Variants in STAB1 observed in about 807,000 individuals in gnomAD.
The protein encoded by STAB1 is stabilin-1.
STAB1 carries 250 observed loss-of-function variants against 332.4 expected under a neutral mutation model. The observed-to-expected ratio is 0.75, with a 90% confidence interval of 0.68 to 0.84. STAB1 has a LOEUF of 0.84. Ranked by LOEUF, STAB1 falls within the 40% of genes least tolerant of loss-of-function variation. STAB1 has a pLI of 0.00. For synonymous variants in STAB1, 1,475 were observed against 1,390.4 expected, an observed-to-expected ratio of 1.06 and a Z score of -1.35; for missense variants, 3,249 against 3,489.7, an observed-to-expected ratio of 0.93 and a Z score of 1.74.
At position 52,520,566 on chromosome 3, in the gene STAB1, G is replaced by A; in HGVS notation, c.5649+17G>A. The A allele has an allele frequency of 1.2e-6, 2 of 1,610,804 alleles. No individual in the cohort carries two copies. The highest frequency in any genetic ancestry group is 1.7e-6 in the Non-Finnish European group (2 of 1,178,334). Reference sequence around the variant, plus strand: ...CTGCGACTGGTGAGGGAGGCCAGAGGCAGACGGGCAGAAGCCCACCCCGCC... The same window carrying A: ...CTGCGACTGGTGAGGGAGGCCAGAGACAGACGGGCAGAAGCCCACCCCGCC... On this transcript the variant is annotated intron_variant, in intron 53 of 68. Coordinates refer to ENST00000321725, the MANE Select transcript of STAB1 (RefSeq NM_015136.3).
At position 52,506,169 on chromosome 3, in the gene STAB1, G is replaced by C; in HGVS notation, c.1750-1G>C. On this transcript the variant is annotated splice_acceptor_variant, in intron 16 of 68. Coordinates refer to ENST00000321725, the MANE Select transcript of STAB1 (RefSeq NM_015136.3). LOFTEE classifies it high-confidence loss of function. ...TAAAGCCACACTGTCCCTTGCCCCA[G>C]CTGACCGTTGAGAAGCTCATCTCCA... 1 of 1,610,536 alleles carries C rather than the reference G, an allele frequency of 6.2e-7. No individual in the cohort carries two copies. Among genetic ancestry groups the C allele is most frequent in the East Asian group, 2.2e-5 (1 of 44,778 alleles).
At chr3:52,496,677 C>T (rs1358586072) in intron 1 of STAB1, among the ~76,000 whole-genome samples, 2 of 152,214 alleles carry the variant, frequency 1.3e-5, no homozygotes, top group Admixed American at 6.5e-5. Context: ...AACTCAGTTT[C>T]CCCCTGTGTA....
intron 17 of STAB1, 97 bp from the exon 18 acceptor site, chr3:52,506,595 C>G: frequency 7.4e-7 from 1 of 1,357,930 alleles, no homozygotes; most frequent in Non-Finnish European, 9.8e-7. Context: ...ACTGAGCTGC[C>G]TGTCTGCTCT....
At position 52,508,256 on chromosome 3, in the gene STAB1, T is replaced by G; in HGVS notation, c.2149-17T>G. On this transcript the variant is annotated splice_polypyrimidine_tract_variant and intron_variant, in intron 20 of 68. Transcript: ENST00000321725. ...ATGGACCCAGATGGCCTCTTGGACC[T>G]GTTCTGTCTCTTATAGGAACAAGGC... The G allele has an allele frequency of 6.2e-7, 1 of 1,603,266 alleles. No homozygotes were observed. The highest frequency in any genetic ancestry group is 2.2e-5 in the East Asian group (1 of 44,658).
At chr3:52,506,932 C>A in intron 18 of STAB1, 82 bp downstream of exon 18, 2 of 1,558,196 alleles carry the variant, frequency 1.3e-6, no homozygotes, top group South Asian at 1.2e-5. Context: ...CAGGGAGAGG[C>A]GCTAAGTCAG....
chr3:52,512,899 G>A lies in STAB1; in HGVS notation c.3099G>A (p.Gln1033=). The change falls in exon 29 of 69, where the codon CAG becomes CAA. Residue 1033 remains glutamine, a synonymous_variant. Coordinates refer to ENST00000321725, the MANE Select transcript of STAB1 (RefSeq NM_015136.3). ...ALVPSEAAVR[Q]LSPEDRAFWL... ...TGCCCTCCGAGGCTGCAGTCCGTCA[G>A]CTGAGCCCCGAGGACCGAGCTTTCT... 6.2e-7 allele frequency: 1 copy of A among 1,612,092 alleles called. No homozygotes were observed. The highest frequency in any genetic ancestry group is 8.5e-7 in the Non-Finnish European group (1 of 1,179,880).
In STAB1 at chr3:52,521,708, G is replaced by A; in HGVS notation, c.6163+8G>A. ...GCTGTGAGGTGCAACTGGGTGAGTA[G>A]CCCCGTGCTCGTGCCCACCCTACAC... On this transcript the variant is annotated splice_region_variant and intron_variant, in intron 57 of 68. Transcript: ENST00000321725. 1 of 1,612,350 alleles carries A rather than the reference G, an allele frequency of 6.2e-7. No individual in the cohort carries two copies. The highest frequency in any genetic ancestry group is 8.5e-7 in the Non-Finnish European group (1 of 1,179,676).
Position 52,514,362 on chromosome 3 carries a change from C to G in STAB1, c.3547-3C>G, listed in dbSNP as rs755619102. 2.6e-6 allele frequency: 4 copies of G among 1,544,134 alleles called. No individual in the cohort carries two copies. In the South Asian group the frequency reaches 5.0e-5, roughly 19 times the overall value. On this transcript the variant is annotated splice_region_variant and splice_polypyrimidine_tract_variant and intron_variant, in intron 33 of 68. Coordinates refer to ENST00000321725, the MANE Select transcript of STAB1 (RefSeq NM_015136.3). Reference sequence around the variant, plus strand: ...TCCCCTGGGTTCTCTCCTTCTCTTCCAGGACGCAGACACAGTGCGGCACCA... The same window carrying G: ...TCCCCTGGGTTCTCTCCTTCTCTTCGAGGACGCAGACACAGTGCGGCACCA...
At chr3:52,515,636 C>T in intron 37 of STAB1, 130 bp downstream of exon 37, 7 of 945,888 alleles carry the variant, frequency 7.4e-6, no homozygotes, top group Admixed American at 2.1e-5. Flanking sequence ...AGGCCAGAAC[C>T]CAGAGGAAGG....
intron 25 of STAB1, 77 bp from the exon 26 acceptor site, chr3:52,511,571 CAG>C: frequency 7.3e-7 from 1 of 1,364,400 alleles, no homozygotes; most frequent in Admixed American, 2.0e-5. Flanking sequence ...GGGCAGTGAC[CAG>C]AGAGAGCCAA....
chr3:52,497,526 A>G (rs1708128424), intron 1 of STAB1, among the ~76,000 whole-genome samples: 1 of 143,904 alleles, frequency 6.9e-6, no homozygotes, highest in African/African-American at 2.6e-5. Context: ...GATTCTCCTG[A>G]CTCAGCCTCC....
At chr3:52,519,675 T>C (rs1030753535) in intron 50 of STAB1, 111 bp downstream of exon 50, 1 of 1,437,032 alleles carries the variant, frequency 7.0e-7, no homozygotes, top group Non-Finnish European at 9.5e-7. Flanking sequence ...CACTGTCCCG[T>C]GTGAGCCTGT....
intron 44 of STAB1, 58 bp downstream of exon 44, chr3:52,517,682 G>A: frequency 3.8e-6 from 6 of 1,592,466 alleles, no homozygotes; most frequent in Non-Finnish European, 4.3e-6. Context: ...ACTGAGGCAG[G>A]AACCAGCCCT....
chr3:52,515,106 G>A, intron 36 of STAB1, 61 bp downstream of exon 36: 1 of 1,585,618 alleles, frequency 6.3e-7, no homozygotes. Context: ...CTTCCAAGGT[G>A]CCCAATCCCC....
chr3:52,503,602 C>A, intron 8 of STAB1, 62 bp downstream of exon 8: 1 of 1,584,946 alleles, frequency 6.3e-7, no homozygotes, highest in South Asian at 1.2e-5. Context: ...GCTATGGGAC[C>A]CTGGGCAAGT....
Position 52,518,587 on chromosome 3 carries a change from G to A in STAB1, c.4861G>A (p.Ala1621Thr), listed in dbSNP as rs1400274796. The A allele has an allele frequency of 6.2e-7, 1 of 1,603,530 alleles. No homozygotes were observed. Among genetic ancestry groups the A allele is most frequent in the Middle Eastern group, 1.7e-4 (1 of 6,050 alleles). The change falls in exon 47 of 69, where the codon GCA becomes ACA. Residue 1621 changes from alanine (A) to threonine (T), a missense_variant. Ala to Thr is a moderately conservative substitution (Grantham distance 58, BLOSUM62 0). Transcript: ENST00000321725. The stretch of plus-strand genomic sequence containing the variant: ...GCCTTTCACCATCTTCGTGCCGCAC[G>A]CAGATCTAATGAGCAACCTGTCGCA... ...DGPFTIFVPH[A>T]DLMSNLSQDE... is the part of the protein sequence containing the mutation.
At chr3:52,505,440 C>T in intron 14 of STAB1, 59 bp downstream of exon 14, 2 of 1,545,110 alleles carry the variant, frequency 1.3e-6, no homozygotes, top group South Asian at 1.2e-5. Flanking sequence ...AGCCAGGACT[C>T]ATTATCCCAG....
At chr3:52,497,222 T>A (rs960444216) in intron 1 of STAB1, among the ~76,000 whole-genome samples, 1 of 152,042 alleles carries the variant, frequency 6.6e-6, no homozygotes, top group African/African-American at 2.4e-5. Flanking sequence ...ACTCCTGACC[T>A]CAGGTAATCC....
chr3:52,514,316 G>C (rs1559700911), intron 33 of STAB1, 49 bp from the exon 34 acceptor site: 1 of 1,570,760 alleles, frequency 6.4e-7, no homozygotes, highest in Non-Finnish European at 8.7e-7. Flanking sequence ...GTGCTGTCCA[G>C]GGCACTTGGT....
Sources: allele counts gnomAD v4.1 joint callset (sites outside exome capture counted in the v4.1 genomes callset), GRCh38; gene constraint gnomAD v4.1.1; transcripts MANE v1.5; gene names NCBI Gene and HGNC (gene_info 2026-07-23, HGNC 2026-07-21).